EXOC4: variants seen among roughly 807,000 people sequenced by gnomAD.
EXOC4 encodes the protein exocyst complex component 4.
Under a neutral mutation model 107.2 loss-of-function variants are expected in EXOC4, and 71 were observed. The observed-to-expected ratio is 0.66, with a 90% CI of 0.55 to 0.81. EXOC4 has a LOEUF of 0.81. EXOC4 is among the 30% of genes least tolerant of loss of function. The pLI is 0.00. For missense variants in EXOC4, 1,108 were observed against 1,189.6 expected (o/e 0.93, Z 1.01); for synonymous variants, 456 against 441.2 (o/e 1.03, Z -0.42).
At chr7:133,686,991 TTTTGTGTGTGTGTG>T (rs60874883) in intron 10 of EXOC4, among the ~76,000 whole-genome samples, 44,172 of 144,640 alleles carry the variant, frequency 0.31, 8,218 homozygotes, top group East Asian at 0.5. Context: ...GGATAAAGAA[TTTTGTGTGTGTGTG>T]TGTGTGTGTG....
At chr7:133,332,325 TTA>T (rs1795412654) in intron 5 of EXOC4, among the ~76,000 whole-genome samples, 1 of 152,164 alleles carries the variant, frequency 6.6e-6, no homozygotes, top group Admixed American at 6.5e-5. Context: ...CTCTGAGACT[TTA>T]TATATATCTT....
intron 9 of EXOC4, among the ~76,000 whole-genome samples, chr7:133,547,532 T>C (rs1800505268): frequency 6.6e-6 from 1 of 152,204 alleles, no homozygotes; most frequent in African/African-American, 2.4e-5. Context: ...TTTGATAGCA[T>C]TTTACTCCCG....
chr7:133,275,481 G>A (rs1421857882), intron 2 of EXOC4, among the ~76,000 whole-genome samples: 1 of 152,098 alleles, frequency 6.6e-6, no homozygotes, highest in Non-Finnish European at 1.5e-5. Context: ...AAACCAGAAG[G>A]CATACTGGCC....
At chr7:133,918,051 C>T (rs1482413412) in intron 13 of EXOC4, among the ~76,000 whole-genome samples, 1 of 151,210 alleles carries the variant, frequency 6.6e-6, no homozygotes, top group Non-Finnish European at 1.5e-5. Flanking sequence ...GGCGCAATCT[C>T]GGCTCACTGC....
intron 10 of EXOC4, among the ~76,000 whole-genome samples, chr7:133,721,671 T>G (rs928712730): frequency 3.9e-5 from 6 of 152,190 alleles, no homozygotes; most frequent in Admixed American, 3.9e-4. Context: ...AGTCATGGGT[T>G]AGGTTTACAT....
chr7:133,939,843 A>G (rs748390845), intron 14 of EXOC4, among the ~76,000 whole-genome samples: 4 of 152,184 alleles, frequency 2.6e-5, no homozygotes, highest in Non-Finnish European at 5.9e-5. Flanking sequence ...AATATCAGGC[A>G]GTTCTATTAC....
chr7:133,688,732 A>AT lies in EXOC4; in HGVS notation c.1514+58601dup, dbSNP rs533729352. Among the ~76,000 whole-genome samples, 444 of 149,054 alleles carry AT rather than the reference A, an allele frequency of 3.0e-3. 1 individual carries two copies. The highest frequency in any genetic ancestry group is 0.01 in the Middle Eastern group (3 of 292). On this transcript the variant is annotated intron_variant, in intron 10 of 17. Transcript: ENST00000253861. ...AGGCATAGCCCTGTCGTCTAGGCCTATTTTTTTTTTGTCAAGAGATGCTTC... is the reference window on the plus strand; with the variant it reads ...AGGCATAGCCCTGTCGTCTAGGCCTATTTTTTTTTTTGTCAAGAGATGCTTC...
At chr7:133,893,608 T>C (rs1267042738) in intron 11 of EXOC4, among the ~76,000 whole-genome samples, 1 of 74,090 alleles carries the variant, frequency 1.3e-5, no homozygotes, top group Admixed American at 1.0e-4. Context: ...AGGAGCTCTT[T>C]TAGGGCAGGC....
chr7:133,451,168 A>G (rs1186514100), intron 7 of EXOC4, among the ~76,000 whole-genome samples: 1 of 152,148 alleles, frequency 6.6e-6, no homozygotes, highest in Non-Finnish European at 1.5e-5. Context: ...AGATTGTTTA[A>G]AGATTCTGGC....
At chr7:133,636,089 A>G (rs968252439) in intron 10 of EXOC4, among the ~76,000 whole-genome samples, 1 of 152,192 alleles carries the variant, frequency 6.6e-6, no homozygotes, top group African/African-American at 2.4e-5. Flanking sequence ...AAATGAACAC[A>G]TTCTAAGTTT....
At chr7:133,787,992 T>TGG (rs1796623202) in intron 10 of EXOC4, among the ~76,000 whole-genome samples, 1 of 96,296 alleles carries the variant, frequency 1.0e-5, no homozygotes, top group African/African-American at 4.1e-5. Flanking sequence ...TATATATATA[T>TGG]ATATATATAT....
At chr7:133,396,347 C>T (rs946798398) in intron 7 of EXOC4, 4 of 152,172 alleles carry the variant, frequency 2.6e-5, no homozygotes, top group Non-Finnish European at 5.9e-5. Context: ...ACCCTCATAA[C>T]ACTTCGGAGA....
At chr7:133,652,325 A>G (rs1329627893) in intron 10 of EXOC4, among the ~76,000 whole-genome samples, 27 of 152,248 alleles carry the variant, frequency 1.8e-4, no homozygotes, top group Admixed American at 1.8e-3. Context: ...TGAAAGTGAA[A>G]TACTGGTAAA....
intron 10 of EXOC4, among the ~76,000 whole-genome samples, chr7:133,734,963 C>T (rs560772299): frequency 1.3e-5 from 2 of 149,626 alleles, no homozygotes; most frequent in Non-Finnish European, 3.0e-5. Flanking sequence ...GTAATCCCAG[C>T]ACTTTGGGAG....
intron 3 of EXOC4, among the ~76,000 whole-genome samples, chr7:133,296,087 CTG>C (rs754535766): frequency 6.6e-6 from 1 of 152,126 alleles, no homozygotes; most frequent in East Asian, 1.9e-4. Context: ...GCTTGAAAGA[CTG>C]AGGCCAATAT....
chr7:133,642,191 G>A (rs1342432550), intron 10 of EXOC4, among the ~76,000 whole-genome samples: 2 of 152,034 alleles, frequency 1.3e-5, no homozygotes, highest in African/African-American at 2.4e-5. Flanking sequence ...TACTCGCTGA[G>A]TGCTTACTAT....
At chr7:133,489,403 A>G (rs1190702097) in intron 9 of EXOC4, among the ~76,000 whole-genome samples, 2 of 152,204 alleles carry the variant, frequency 1.3e-5, no homozygotes, top group Non-Finnish European at 2.9e-5. Flanking sequence ...ATGTAGTTTA[A>G]TGTTCCTGTT....
intron 10 of EXOC4, among the ~76,000 whole-genome samples, chr7:133,799,726 G>A (rs1355127735): frequency 1.3e-5 from 2 of 152,164 alleles, no homozygotes; most frequent in African/African-American, 2.4e-5. Flanking sequence ...GAAATATACT[G>A]TGAAAGTTTG....
At chr7:133,539,894 C>T (rs1056623626) in intron 9 of EXOC4, among the ~76,000 whole-genome samples, 1 of 151,936 alleles carries the variant, frequency 6.6e-6, no homozygotes, top group African/African-American at 2.4e-5. Flanking sequence ...ATATGCTCTC[C>T]CAGAAGATTC....
Sources: gnomAD v4.1 joint callset for allele counts (sites outside exome capture counted in the v4.1 genomes callset) on GRCh38, gnomAD v4.1.1 for gene constraint, MANE v1.5 for transcripts, NCBI Gene and HGNC (gene_info 2026-07-23, HGNC 2026-07-21) for gene names.